TBL1X: variants seen among roughly 807,000 people sequenced by gnomAD.
TBL1X encodes transducin beta like 1 X-linked.
Under a neutral mutation model 50.7 loss-of-function variants are expected in TBL1X, and 10 were observed. That is an observed-to-expected ratio of 0.20 (90% CI 0.12 to 0.33). The LOEUF is 0.33. TBL1X is among the 10% of genes least tolerant of loss of function. The pLI is 1.00. For missense variants in TBL1X, 340 were observed against 504.4 expected, an observed-to-expected ratio of 0.67 and a Z score of 3.12; for synonymous variants, 190 against 214.7, an observed-to-expected ratio of 0.88 and a Z score of 1.01.
intron 2 of TBL1X, among the ~76,000 whole-genome samples, chrX:9,531,712 C>T (rs1478074706): frequency 9.2e-6 from 1 of 108,570 alleles, no homozygotes; most frequent in African/African-American, 3.4e-5. Flanking sequence ...CGAGACCAGC[C>T]TGGGCAACAT....
intron 1 of TBL1X, among the ~76,000 whole-genome samples, chrX:9,481,257 G>A (rs1407209076): frequency 1.8e-5 from 2 of 112,283 alleles, no homozygotes; most frequent in African/African-American, 6.5e-5. Flanking sequence ...TACATGGACT[G>A]AAGTAATGGA....
At chrX:9,467,329 G>A (rs1200900578) in intron 1 of TBL1X, among the ~76,000 whole-genome samples, 2 of 111,900 alleles carry the variant, frequency 1.8e-5, no homozygotes, top group Admixed American at 1.9e-4. Context: ...TAGAACCTGG[G>A]TCCGGCCCCC....
In TBL1X at chrX:9,556,094, T is replaced by G. The variant is rs748560332; in HGVS notation, c.-131+54245T>G. 1.7e-4 allele frequency among the ~76,000 whole-genome samples: 18 copies of G among 107,726 alleles called. 1 individual carries two copies. The East Asian group carries it at 5.4e-3, about 32-fold the overall frequency. The allele number at this position is 107,726 out of a possible 115,157, so 93.5% of individuals were successfully genotyped here. On this transcript the variant is annotated intron_variant, in intron 2 of 17. Coordinates refer to ENST00000645353, the MANE Select transcript of TBL1X (RefSeq NM_005647.4). ...GTCCCAGCTACTTGGGAGGCTGAGG[T>G]GGGAGGATTATTTGAGCCCAGGAGT...
chrX:9,513,127 G>C (rs745478152), intron 2 of TBL1X, among the ~76,000 whole-genome samples: 1 of 111,073 alleles, frequency 9.0e-6, no homozygotes, highest in South Asian at 3.9e-4. Flanking sequence ...AACAAACAAA[G>C]CATGCTACAC....
At chrX:9,709,563 G>A (rs770615051) in intron 14 of TBL1X, 70 bp from the exon 15 acceptor site, 69 of 1,183,793 alleles carry the variant, frequency 5.8e-5, no homozygotes, top group Non-Finnish European at 7.6e-5. Context: ...ACCCCCGGGA[G>A]GAATGATTCC....
chrX:9,659,187 C>T (rs1226914097), intron 5 of TBL1X, among the ~76,000 whole-genome samples: 3 of 111,837 alleles, frequency 2.7e-5, no homozygotes, highest in South Asian at 3.7e-4. Context: ...AAGGAATGCG[C>T]GGAGCTGGCT....
intron 2 of TBL1X, among the ~76,000 whole-genome samples, chrX:9,617,841 A>G (rs1369374795): frequency 1.8e-5 from 2 of 111,979 alleles, no homozygotes. Flanking sequence ...ACTGAGTTTG[A>G]GGGAACAGTC....
intron 5 of TBL1X, among the ~76,000 whole-genome samples, chrX:9,659,598 G>T (rs139983859): frequency 8.9e-6 from 1 of 112,211 alleles, no homozygotes; most frequent in Non-Finnish European, 1.9e-5. Flanking sequence ...TTGTATGAAC[G>T]CAGGTTTTCA....
At chrX:9,576,119 T>TC (rs933427904) in intron 2 of TBL1X, among the ~76,000 whole-genome samples, 32 of 111,018 alleles carry the variant, frequency 2.9e-4, no homozygotes, top group East Asian at 5.7e-4. Flanking sequence ...GTTTTGATAT[T>TC]CCCCCCCCTC....
chrX:9,504,329 A>G (rs1276743749), intron 2 of TBL1X, among the ~76,000 whole-genome samples: 1 of 112,149 alleles, frequency 8.9e-6, no homozygotes, highest in Non-Finnish European at 1.9e-5. Flanking sequence ...AAACTAGACA[A>G]ACTCATGAAG....
At chrX:9,492,750 C>G (rs902833751) in intron 1 of TBL1X, among the ~76,000 whole-genome samples, 14 of 108,830 alleles carry the variant, frequency 1.3e-4, no homozygotes, top group African/African-American at 4.4e-4. Flanking sequence ...TGTACCAAGA[C>G]GTTTTGTTGA....
At chrX:9,634,344 G>A (rs1202729660) in intron 2 of TBL1X, among the ~76,000 whole-genome samples, 1 of 110,850 alleles carries the variant, frequency 9.0e-6, no homozygotes, top group African/African-American at 3.3e-5. Flanking sequence ...TCCCTCACAC[G>A]CTCCTGTACA....
intron 2 of TBL1X, among the ~76,000 whole-genome samples, chrX:9,532,428 G>A (rs1057015581): frequency 1.8e-5 from 2 of 111,619 alleles, no homozygotes; most frequent in African/African-American, 3.3e-5. Flanking sequence ...GGGTTGGGAC[G>A]TAGCGGTTAG....
intron 1 of TBL1X, among the ~76,000 whole-genome samples, chrX:9,497,174 C>T (rs2081975021): frequency 9.0e-6 from 1 of 110,750 alleles, no homozygotes; most frequent in African/African-American, 3.3e-5. Flanking sequence ...TTTGGAAAGC[C>T]GAGGCGAGGG....
intron 2 of TBL1X, among the ~76,000 whole-genome samples, chrX:9,617,141 T>C (rs2082643237): frequency 8.9e-6 from 1 of 111,950 alleles, no homozygotes; most frequent in Non-Finnish European, 1.9e-5. Flanking sequence ...CGTTTCTGGC[T>C]GAATAGGCTA....
intron 2 of TBL1X, among the ~76,000 whole-genome samples, chrX:9,597,710 T>C (rs1241816688): frequency 8.9e-6 from 1 of 112,305 alleles, no homozygotes; most frequent in East Asian, 2.8e-4. Flanking sequence ...TTAGGAACGG[T>C]GCTACCAGAC....
intron 13 of TBL1X, among the ~76,000 whole-genome samples, chrX:9,705,454 T>A (rs1206193683): frequency 9.1e-6 from 1 of 110,355 alleles, no homozygotes; most frequent in African/African-American, 3.3e-5. Context: ...GAAAAAAAAA[T>A]CATTAAAAAA....
intron 2 of TBL1X, among the ~76,000 whole-genome samples, chrX:9,550,961 G>GCC (rs200299801): frequency 7.3e-5 from 8 of 109,084 alleles, no homozygotes; most frequent in African/African-American, 2.7e-4. Flanking sequence ...GTGCAGGACA[G>GCC]CCCCCCCCCA....
chrX:9,474,515 G>A (rs1281592889), intron 1 of TBL1X, among the ~76,000 whole-genome samples: 1 of 113,412 alleles, frequency 8.8e-6, no homozygotes, highest in Non-Finnish European at 1.9e-5. Flanking sequence ...AGGGAAGAAA[G>A]AATATGCAAT....
Sources: allele counts gnomAD v4.1 joint callset (sites outside exome capture counted in the v4.1 genomes callset), GRCh38; gene constraint gnomAD v4.1.1; transcripts MANE v1.5; gene names NCBI Gene and HGNC (gene_info 2026-07-23, HGNC 2026-07-21).